CDH13: variants seen among roughly 807,000 people sequenced by gnomAD.
The protein encoded by CDH13 is cadherin 13, also known as cadherin-13.
CDH13 carries 24 observed loss-of-function variants against 63.8 expected under a neutral mutation model. The observed-to-expected ratio is 0.38, with a 90% CI of 0.27 to 0.53. CDH13 has a LOEUF of 0.53. CDH13 is among the 20% of genes least tolerant of loss of function. The pLI is 0.85. For synonymous variants in CDH13, 503 were observed against 355.3 expected (o/e 1.42, Z -4.67); for missense variants, 1,049 against 903.1 (o/e 1.16, Z -2.07).
intron 5 of CDH13, among the ~76,000 whole-genome samples, chr16:83,248,869 C>T (rs1325474431): frequency 6.6e-6 from 1 of 152,216 alleles, no homozygotes; most frequent in Non-Finnish European, 1.5e-5. Flanking sequence ...CCACTTGAAT[C>T]ATCCTCAAAT....
At chr16:83,531,148 G>T (rs756600327) in intron 7 of CDH13, among the ~76,000 whole-genome samples, 4 of 152,086 alleles carry the variant, frequency 2.6e-5, no homozygotes, top group Non-Finnish European at 4.4e-5. Flanking sequence ...TCCTCTTCTG[G>T]GTAACACCTA....
At chr16:83,554,031 A>C (rs1463950013) in intron 7 of CDH13, among the ~76,000 whole-genome samples, 1 of 152,214 alleles carries the variant, frequency 6.6e-6, no homozygotes, top group Non-Finnish European at 1.5e-5. Flanking sequence ...TGTTTTCTTA[A>C]TAATGCCTAG....
intron 1 of CDH13, among the ~76,000 whole-genome samples, chr16:82,723,278 C>T (rs13333107): frequency 4.6e-5 from 7 of 152,304 alleles, no homozygotes; most frequent in African/African-American, 2.4e-5. Context: ...TTCATCTGCT[C>T]TCAGGGCTGT....
intron 3 of CDH13, among the ~76,000 whole-genome samples, chr16:83,106,429 T>C (rs986476439): frequency 6.6e-5 from 10 of 152,102 alleles, no homozygotes; most frequent in Non-Finnish European, 2.9e-5. Flanking sequence ...TAATCCCAGC[T>C]ACCTGGGAGG....
At chr16:83,593,028 T>C (rs1421940752) in intron 7 of CDH13, among the ~76,000 whole-genome samples, 1 of 152,132 alleles carries the variant, frequency 6.6e-6, no homozygotes, top group African/African-American at 2.4e-5. Flanking sequence ...GCCAGAGTGG[T>C]TAAATCAAAC....
chr16:82,708,092 T>G (rs1021794905), intron 1 of CDH13, among the ~76,000 whole-genome samples: 5 of 152,200 alleles, frequency 3.3e-5, no homozygotes, highest in Non-Finnish European at 5.9e-5. Flanking sequence ...AGGTGGCTCA[T>G]GTGTATGTCT....
intron 2 of CDH13, among the ~76,000 whole-genome samples, chr16:82,959,443 G>A (rs566831670): frequency 6.6e-6 from 1 of 152,286 alleles, no homozygotes; most frequent in South Asian, 2.1e-4. Flanking sequence ...GAATGGCTTT[G>A]GTTCCTTTCT....
chr16:83,546,830 C>G (rs1156896673), intron 7 of CDH13, among the ~76,000 whole-genome samples: 1 of 152,148 alleles, frequency 6.6e-6, no homozygotes, highest in Non-Finnish European at 1.5e-5. Context: ...GCACTGCAGC[C>G]CCATGGCCAT....
At chr16:82,964,665 A>T (rs1907547333) in intron 2 of CDH13, among the ~76,000 whole-genome samples, 1 of 152,272 alleles carries the variant, frequency 6.6e-6, no homozygotes. Flanking sequence ...AAATATATGT[A>T]AAGCTTCCAG....
At chr16:83,684,283 C>T (rs1255885655) in intron 10 of CDH13, among the ~76,000 whole-genome samples, 1 of 152,042 alleles carries the variant, frequency 6.6e-6, no homozygotes, top group Non-Finnish European at 1.5e-5. Flanking sequence ...AGGAGAATTT[C>T]TTGAACCTGT....
chr16:83,071,596 C>A (rs1009935767), intron 3 of CDH13, among the ~76,000 whole-genome samples: 3 of 152,166 alleles, frequency 2.0e-5, no homozygotes, highest in African/African-American at 4.8e-5. Flanking sequence ...GGTCGCTTCC[C>A]CTGTGCCACT....
At position 82,947,540 on chromosome 16, in the gene CDH13, C is replaced by T. The variant is rs558392200; in HGVS notation, c.158-84470C>T. On this transcript the variant is annotated intron_variant, in intron 2 of 13. Coordinates refer to ENST00000567109, the MANE Select transcript of CDH13 (RefSeq NM_001257.5). ...ATTGTATGTAATTTTGACACATCTG[C>T]CTTAATTAATAAGAATGGTACAAAA... Among the ~76,000 whole-genome samples, 4 of 151,716 alleles carry T rather than the reference C, an allele frequency of 2.6e-5. No individual in the cohort carries two copies. The South Asian group carries it at 8.3e-4, about 32-fold the overall frequency.
At chr16:82,863,666 CT>C (rs2040023630) in intron 2 of CDH13, among the ~76,000 whole-genome samples, 1 of 151,932 alleles carries the variant, frequency 6.6e-6, no homozygotes, top group South Asian at 2.1e-4. Flanking sequence ...TATTATTGTC[CT>C]TATAATTTCT....
intron 10 of CDH13, among the ~76,000 whole-genome samples, chr16:83,704,162 C>A (rs185523944): frequency 2.7e-4 from 41 of 152,232 alleles, no homozygotes; most frequent in African/African-American, 9.4e-4. Context: ...GCTGTGATTT[C>A]CAGTGTGGTC....
chr16:83,734,574 G>A (rs930583337), intron 10 of CDH13, among the ~76,000 whole-genome samples: 17 of 150,532 alleles, frequency 1.1e-4, no homozygotes, highest in African/African-American at 4.2e-4. Flanking sequence ...ACACTCTGGG[G>A]ACTGTTGTGG....
At chr16:82,856,759 A>G (rs1387013244) in intron 1 of CDH13, among the ~76,000 whole-genome samples, 1 of 151,326 alleles carries the variant, frequency 6.6e-6, no homozygotes, top group African/African-American at 2.4e-5. Context: ...AAAAAATACC[A>G]ATAGGGAATG....
At chr16:83,613,186 G>C (rs1909003448) in intron 8 of CDH13, among the ~76,000 whole-genome samples, 1 of 152,150 alleles carries the variant, frequency 6.6e-6, no homozygotes, top group South Asian at 2.1e-4. Context: ...TCCATTGAAA[G>C]AAACGTGTCT....
intron 8 of CDH13, among the ~76,000 whole-genome samples, chr16:83,624,542 G>C (rs1567462630): frequency 6.6e-6 from 1 of 152,072 alleles, no homozygotes; most frequent in Non-Finnish European, 1.5e-5. Context: ...TTCACAATAA[G>C]GTTTCCGTTC....
At chr16:83,515,054 C>T (rs557258210) in intron 7 of CDH13, among the ~76,000 whole-genome samples, 5 of 152,196 alleles carry the variant, frequency 3.3e-5, no homozygotes, top group South Asian at 2.1e-4. Context: ...GAGGCAGCTT[C>T]GGGGGTAGGA....
Sources: gnomAD v4.1 joint callset for allele counts (sites outside exome capture counted in the v4.1 genomes callset) on GRCh38, gnomAD v4.1.1 for gene constraint, MANE v1.5 for transcripts, NCBI Gene and HGNC (gene_info 2026-07-23, HGNC 2026-07-21) for gene names.